Variants in MMP24 observed in about 807,000 individuals in gnomAD.
The protein encoded by MMP24 is matrix metallopeptidase 24, also known as matrix metalloproteinase-24.
Under a neutral mutation model 62.8 loss-of-function variants are expected in MMP24, and 25 were observed. The observed-to-expected ratio is 0.40, with a 90% CI of 0.29 to 0.56. MMP24 has a LOEUF of 0.56. Ranked by LOEUF, MMP24 falls within the 20% of genes least tolerant of loss-of-function variation. The pLI, the probability that MMP24 is intolerant of heterozygous loss-of-function variation, is 0.50. For synonymous variants in MMP24, 319 were observed against 350.5 expected (o/e 0.91, Z 1.00); for missense variants, 634 against 853.6 (o/e 0.74, Z 3.21).
At chr20:35,272,036 G>T in intron 8 of MMP24, 1 of 630,432 alleles carries the variant, frequency 1.6e-6, no homozygotes, top group Non-Finnish European at 2.7e-6. Flanking sequence ...TCATCTGCAG[G>T]AATGATTCAC....
intron 8 of MMP24, among the ~76,000 whole-genome samples, chr20:35,273,534 G>C (rs999207946): frequency 4.6e-5 from 7 of 152,352 alleles, no homozygotes; most frequent in Middle Eastern, 3.4e-3. Context: ...TTTGTTGGCT[G>C]TCTTGTATAC....
rs1271479363 is a variant in MMP24, at chr20:35,274,295, C to T, written c.1624C>T (p.Arg542Trp). The T allele has an allele frequency of 8.1e-6, 13 of 1,611,956 alleles. No individual in the cohort carries two copies. The highest frequency in any genetic ancestry group is 2.2e-5 in the East Asian group (1 of 44,868). ...AGATTACACCTATTTCTACAAGGGC[C>T]GGGACTACTGGAAGTTTGACAACCA... ...EGYYTYFYKG[R>W]DYWKFDNQKL... The change falls in exon 9 of 9, where the codon CGG (arginine) becomes TGG (tryptophan). Residue 542 changes from arginine to tryptophan, a missense_variant. Transcript: ENST00000246186. This position sits in a 1 kb window ranked among gnomAD's most constrained non-coding sequence, Gnocchi z 5.1.
chr20:35,233,983 T>G (rs966489977), intron 1 of MMP24, among the ~76,000 whole-genome samples: 15 of 152,122 alleles, frequency 9.9e-5, no homozygotes, highest in Admixed American at 6.6e-5. Context: ...AAACCCTGTC[T>G]AAAACAAAAA....
chr20:35,269,801 G>A lies in MMP24; in HGVS notation c.1236G>A (p.Glu412=). 1 of 1,571,250 alleles carries A rather than the reference G, an allele frequency of 6.4e-7. No individual in the cohort carries two copies. Among genetic ancestry groups the A allele is most frequent in the Non-Finnish European group, 8.6e-7 (1 of 1,158,506 alleles). ...FWRLRNNRVQ[E]GYPMQIEQFW... ...GTCTGCGCAATAACCGAGTGCAGGA[G>A]GGCTACCCCATGCAGATCGAGCAGT... The change falls in exon 7 of 9, where the codon GAG becomes GAA. Residue 412 remains glutamate (E), a synonymous_variant. Transcript: ENST00000246186. The surrounding 1 kb of genome is among the most constrained non-coding windows in gnomAD (Gnocchi z 4.6).
chr20:35,254,861 AGAACTAAGACCGTAAGAGGGTGGGAAC>A, intron 4 of MMP24, 107 bp downstream of exon 4: 1 of 1,275,934 alleles, frequency 7.8e-7, no homozygotes, highest in South Asian at 1.5e-5. Context: ...CTCTTGTCCA[AGAACTAAGACCGTAAGAGGGTGGGAAC>A]TGTGATTTCT....
At chr20:35,266,616 G>T (rs1414538860) in intron 5 of MMP24, among the ~76,000 whole-genome samples, 1 of 152,100 alleles carries the variant, frequency 6.6e-6, no homozygotes, top group Non-Finnish European at 1.5e-5. Flanking sequence ...GTGTTTCCAG[G>T]AAAGTGTTTC....
intron 2 of MMP24, among the ~76,000 whole-genome samples, chr20:35,248,592 G>T (rs1477654768): frequency 6.6e-6 from 1 of 152,158 alleles, no homozygotes; most frequent in Non-Finnish European, 1.5e-5. Context: ...ACAGGCGTGA[G>T]CCACCGTGCC....
chr20:35,258,439 C>T (rs946469796), intron 4 of MMP24, among the ~76,000 whole-genome samples: 17 of 152,032 alleles, frequency 1.1e-4, no homozygotes, highest in African/African-American at 4.1e-4. Context: ...CTCTTAAAGC[C>T]CTTTTTATTT....
Position 35,269,931 on chromosome 20 carries a change from G to A in MMP24, c.1333+33G>A, listed in dbSNP as rs764104685. ...AGACTGTGCTGTGGGACAGTTCCCT[G>A]CCCAAGGTCTTGGGACCTCCTTTTT... On this transcript the variant is annotated intron_variant, in intron 7 of 8. Transcript: ENST00000246186. The surrounding 1 kb of genome is among the most constrained non-coding windows in gnomAD (Gnocchi z 4.6). The A allele has an allele frequency of 6.4e-7, 1 of 1,551,082 alleles. No homozygotes were observed. Among genetic ancestry groups the A allele is most frequent in the Non-Finnish European group, 8.7e-7 (1 of 1,146,562 alleles).
chr20:35,276,318 C>T lies in MMP24; in HGVS notation c.*1709C>T, dbSNP rs183248069. 10 of 399,078 alleles carry T rather than the reference C, an allele frequency of 2.5e-5. No individual in the cohort carries two copies. Among genetic ancestry groups the T allele is most frequent in the Admixed American group, 8.8e-5 (2 of 22,744 alleles). 24.7% of individuals were successfully genotyped at this position (399,078 alleles called of 1,614,324 possible). The stretch of plus-strand genomic sequence containing the variant: ...CCCTGGGACAGGCAGGGAACAACTG[C>T]GGAGATATTAGTGATTCATAGGTTT... On this transcript the variant is annotated 3_prime_UTR_variant, in exon 9 of 9. Coordinates refer to ENST00000246186, the MANE Select transcript of MMP24 (RefSeq NM_006690.4).
chr20:35,235,123 G>T (rs2060456924), intron 1 of MMP24, among the ~76,000 whole-genome samples: 1 of 152,206 alleles, frequency 6.6e-6, no homozygotes, highest in Non-Finnish European at 1.5e-5. Flanking sequence ...CTGAGACTTG[G>T]TCTGGCTGTG....
chr20:35,264,931 C>T (rs1037406512), intron 5 of MMP24, among the ~76,000 whole-genome samples: 8 of 152,092 alleles, frequency 5.3e-5, no homozygotes, highest in Admixed American at 2.0e-4. Context: ...AGCCCACAGG[C>T]TACGGAGCAC....
At chr20:35,251,777 G>C in intron 2 of MMP24, 128 bp from the exon 3 acceptor site, 3 of 687,066 alleles carry the variant, frequency 4.4e-6, no homozygotes, top group Non-Finnish European at 7.7e-6. Flanking sequence ...ATCCAAGCCA[G>C]GGTCCCAGAG....
In MMP24 at chr20:35,269,740, CCT is replaced by C. The variant is rs772959478; in HGVS notation, c.1195-16_1195-15del. The C allele has an allele frequency of 2.8e-5, 44 of 1,562,140 alleles. No homozygotes were observed. In the African/African-American group the frequency reaches 4.5e-4, roughly 16 times the overall value. Reference sequence around the variant, plus strand: ...GCAGGGCCTGACACACCTCTCTCCCCCTCTCCCGCTTCCTCCCAGGATCGCTG... The same window carrying C: ...GCAGGGCCTGACACACCTCTCTCCCCCTCCCGCTTCCTCCCAGGATCGCTG... On this transcript the variant is annotated intron_variant, in intron 6 of 8. Coordinates refer to ENST00000246186, the MANE Select transcript of MMP24 (RefSeq NM_006690.4). The surrounding 1 kb of genome is among the most constrained non-coding windows in gnomAD (Gnocchi z 4.6).
chr20:35,266,818 A>G (rs989335844), intron 5 of MMP24, among the ~76,000 whole-genome samples: 3 of 152,052 alleles, frequency 2.0e-5, no homozygotes, highest in Non-Finnish European at 4.4e-5. Context: ...ATCTTGGCAG[A>G]GCAGTTGGAG....
In MMP24 at chr20:35,274,686, G is replaced by T. The variant is rs1486670896; in HGVS notation, c.*77G>T. On this transcript the variant is annotated 3_prime_UTR_variant, in exon 9 of 9. Transcript: ENST00000246186. The surrounding 1 kb of genome is among the most constrained non-coding windows in gnomAD (Gnocchi z 5.1). ...CACCAGGGTCTGAGGGGCAGCTCTGGCCAGTGCTCACCAGGGCCAGCAGGG... is the reference window on the plus strand; with the variant it reads ...CACCAGGGTCTGAGGGGCAGCTCTGTCCAGTGCTCACCAGGGCCAGCAGGG... The T allele has an allele frequency of 3.8e-6, 5 of 1,312,308 alleles. No homozygotes were observed. Among genetic ancestry groups the T allele is most frequent in the Non-Finnish European group, 5.2e-6 (5 of 959,410 alleles). 81.3% of individuals were successfully genotyped at this position (1,312,308 alleles called of 1,614,324 possible). A position where few individuals can be genotyped will look rare whatever the true frequency, so the allele number is the denominator to read the frequency against.
chr20:35,257,699 G>A (rs941709716), intron 4 of MMP24, among the ~76,000 whole-genome samples: 2 of 152,212 alleles, frequency 1.3e-5, no homozygotes, highest in African/African-American at 4.8e-5. Context: ...CCGGGGACCT[G>A]TGGATGGGCA....
chr20:35,268,377 G>T (rs1435248193), intron 6 of MMP24, among the ~76,000 whole-genome samples: 7 of 152,302 alleles, frequency 4.6e-5, no homozygotes, highest in Admixed American at 4.6e-4. Context: ...ACAGGATGGT[G>T]AAAGAGGCTG....
intron 1 of MMP24, among the ~76,000 whole-genome samples, chr20:35,231,956 T>C (rs1190092885): frequency 6.6e-6 from 1 of 152,114 alleles, no homozygotes; most frequent in Admixed American, 6.6e-5. Context: ...GGCAGGAGAA[T>C]TGCTTGAACC....
Sources: allele counts gnomAD v4.1 joint callset (sites outside exome capture counted in the v4.1 genomes callset), GRCh38; gene constraint gnomAD v4.1.1; non-coding constraint Gnocchi (gnomAD v3.1); transcripts MANE v1.5; gene names NCBI Gene and HGNC (gene_info 2026-07-23, HGNC 2026-07-21).